Variants in THSD4 observed in about 807,000 individuals in gnomAD.
THSD4 encodes the protein thrombospondin type 1 domain containing 4.
In THSD4, 69 loss-of-function variants were observed where a neutral mutation model predicts 119.0. The ratio of observed to expected loss-of-function variants is 0.58; its 90% CI spans 0.48 to 0.71. The LOEUF (loss-of-function observed/expected upper bound fraction) is 0.71. Among genes scored for constraint, THSD4 ranks in the 30% least tolerant of loss-of-function variants. The pLI is 0.00. For missense variants in THSD4, 1,393 were observed against 1,391.1 expected (o/e 1.00, Z -0.02); for synonymous variants, 524 against 540.4 (o/e 0.97, Z 0.42).
At chr15:71,280,105 C>T (rs1012653106) in intron 6 of THSD4, among the ~76,000 whole-genome samples, 5 of 152,078 alleles carry the variant, frequency 3.3e-5, no homozygotes, top group African/African-American at 4.8e-5. Flanking sequence ...TGGGACTGGG[C>T]GTGTGCAGAT....
intron 3 of THSD4, among the ~76,000 whole-genome samples, chr15:71,190,272 TTC>T (rs1194024003): frequency 6.6e-6 from 1 of 152,154 alleles, no homozygotes; most frequent in East Asian, 1.9e-4. Flanking sequence ...CATTGAAAAA[TTC>T]TGTTTGTTTG....
intron 15 of THSD4, among the ~76,000 whole-genome samples, chr15:71,760,512 C>T (rs974166985): frequency 1.3e-5 from 2 of 152,204 alleles, no homozygotes; most frequent in East Asian, 3.8e-4. Flanking sequence ...CCAACTCTTA[C>T]TCATGAGAGT....
chr15:71,511,520 T>C (rs1032333347), intron 7 of THSD4, among the ~76,000 whole-genome samples: 1 of 152,340 alleles, frequency 6.6e-6, no homozygotes, highest in African/African-American at 2.4e-5. Flanking sequence ...AAGGATCTGT[T>C]GAGTTCATTT....
rs1165823914 is a variant in THSD4 at position 71,199,748 on chromosome 15, GGTGT to G, written c.100-15281_100-15278del. Among the ~76,000 whole-genome samples the G allele has an allele frequency of 6.6e-5, 8 of 121,502 alleles. No individual in the cohort carries two copies. The South Asian group carries it at 1.7e-3, about 26-fold the overall frequency. 79.7% of individuals were successfully genotyped at this position (121,502 alleles called of 152,430 possible). A position where few individuals can be genotyped will look rare whatever the true frequency, so the allele number is the denominator to read the frequency against. On this transcript the variant is annotated intron_variant, in intron 3 of 17. Transcript: ENST00000261862. ...GTGTAGTGTGTGTGTAGTGTGTGTG[GGTGT>G]GTGTGATGTGTGTGGTGTGTGTGGT...
intron 6 of THSD4, among the ~76,000 whole-genome samples, chr15:71,350,159 A>G (rs544998125): frequency 3.9e-5 from 6 of 152,020 alleles, no homozygotes; most frequent in African/African-American, 1.4e-4. Flanking sequence ...AAAAAAAAAA[A>G]AATGAACATT....
chr15:71,736,204 T>A (rs1299453598), intron 10 of THSD4, among the ~76,000 whole-genome samples: 3 of 150,968 alleles, frequency 2.0e-5, no homozygotes, highest in Non-Finnish European at 4.4e-5. Flanking sequence ...TTGCTCTCTG[T>A]CTCTCTGTTG....
rs746936368 is a variant in THSD4 at position 71,728,604 on chromosome 15, A to G, written c.1413A>G (p.Arg471=). ...TCAATGGGAACTGGGCAATTGATCG[A>G]CCAGGAAAATACGAGGGCGGAGGGA... is the stretch of plus-strand genomic sequence containing the variant. ...SIINGNWAID[R]PGKYEGGGTM... Residue 471 remains arginine (R), a synonymous_variant, in exon 9 of 18, where the codon CGA becomes CGG. Transcript: ENST00000261862. The G allele has an allele frequency of 1.2e-6, 2 of 1,614,194 alleles. No homozygotes were observed. The highest frequency in any genetic ancestry group is 8.5e-7 in the Non-Finnish European group (1 of 1,180,026).
chr15:71,667,739 T>G (rs534401515), intron 8 of THSD4, among the ~76,000 whole-genome samples: 2 of 152,338 alleles, frequency 1.3e-5, no homozygotes, highest in African/African-American at 4.8e-5. Flanking sequence ...TCCCTAATAT[T>G]TTTTGCATGT....
At chr15:71,644,346 C>T (rs991110338) in intron 7 of THSD4, among the ~76,000 whole-genome samples, 5 of 152,118 alleles carry the variant, frequency 3.3e-5, no homozygotes, top group African/African-American at 7.2e-5. Flanking sequence ...AAATCTGTTA[C>T]GAAATGAAAT....
At chr15:71,219,950 G>A (rs2043961798) in intron 4 of THSD4, among the ~76,000 whole-genome samples, 1 of 152,182 alleles carries the variant, frequency 6.6e-6, no homozygotes, top group African/African-American at 2.4e-5. Context: ...GTGGAGGTTG[G>A]GCTGTCTGAG....
intron 7 of THSD4, among the ~76,000 whole-genome samples, chr15:71,564,631 A>G (rs1237569674): frequency 7.2e-6 from 1 of 139,314 alleles, no homozygotes; most frequent in African/African-American, 2.7e-5. Context: ...AATACAATAT[A>G]TATTGTATAT....
chr15:71,342,985 G>T (rs529523027), intron 6 of THSD4: 8 of 152,364 alleles, frequency 5.3e-5, no homozygotes, highest in African/African-American at 1.9e-4. Context: ...TATGCTAAAA[G>T]GTTCCATTTT....
chr15:71,139,470 T>C (rs1410444125), intron 1 of THSD4, among the ~76,000 whole-genome samples: 1 of 152,244 alleles, frequency 6.6e-6, no homozygotes, highest in Non-Finnish European at 1.5e-5. Context: ...AAAGGCATTT[T>C]AACTGTTCCA....
chr15:71,293,077 G>A (rs1385959912), intron 6 of THSD4, among the ~76,000 whole-genome samples: 3 of 152,142 alleles, frequency 2.0e-5, no homozygotes, highest in Non-Finnish European at 4.4e-5. Flanking sequence ...CTTGTCAGGG[G>A]CTTTCCCCAG....
intron 2 of THSD4, among the ~76,000 whole-genome samples, chr15:71,154,048 CCTT>C: frequency 6.6e-6 from 1 of 152,300 alleles, no homozygotes; most frequent in East Asian, 1.9e-4. Context: ...CCTTCCCTCA[CCTT>C]CTTAACTTAC....
At chr15:71,532,563 C>T (rs770531062) in intron 7 of THSD4, among the ~76,000 whole-genome samples, 3 of 152,106 alleles carry the variant, frequency 2.0e-5, no homozygotes, top group Non-Finnish European at 4.4e-5. Flanking sequence ...AATCTGCCCG[C>T]CTTGGCCTCT....
chr15:71,134,866 G>T (rs1396380541), intron 1 of THSD4, among the ~76,000 whole-genome samples: 1 of 151,452 alleles, frequency 6.6e-6, no homozygotes, highest in Non-Finnish European at 1.5e-5. Context: ...CCCATTACTG[G>T]GTATATACCC....
At chr15:71,650,746 C>T (rs1193076600) in intron 7 of THSD4, among the ~76,000 whole-genome samples, 2 of 152,192 alleles carry the variant, frequency 1.3e-5, no homozygotes, top group Non-Finnish European at 2.9e-5. Context: ...ATAAAACTTT[C>T]GCCCTGTCCT....
At chr15:71,521,516 A>G (rs772760674) in intron 7 of THSD4, among the ~76,000 whole-genome samples, 54 of 152,160 alleles carry the variant, frequency 3.5e-4, no homozygotes, top group Non-Finnish European at 6.5e-4. Context: ...ATCCTGGCAG[A>G]GTTACTTTTT....
Sources: gnomAD v4.1 joint callset for allele counts (sites outside exome capture counted in the v4.1 genomes callset) on GRCh38, gnomAD v4.1.1 for gene constraint, MANE v1.5 for transcripts, NCBI Gene and HGNC (gene_info 2026-07-23, HGNC 2026-07-21) for gene names.